Variants in NCS1 observed in about 807,000 individuals in gnomAD.
NCS1 encodes the protein frequenin homolog.
A neutral mutation model predicts 28.4 loss-of-function variants in NCS1; 6 were observed. The observed-to-expected ratio is 0.21, with a 90% CI of 0.12 to 0.42. NCS1 has a LOEUF of 0.42. Ranked by LOEUF, NCS1 falls within the 10% of genes least tolerant of loss-of-function variation. NCS1 has a pLI of 1.00. For missense variants in NCS1, 131 were observed against 241.4 expected (o/e 0.54, Z 3.03); for synonymous variants, 86 against 99.3 (o/e 0.87, Z 0.79).
At chr9:130,231,394 T>C (rs1308249099) in intron 7 of NCS1, among the ~76,000 whole-genome samples, 1 of 152,078 alleles carries the variant, frequency 6.6e-6, no homozygotes, top group Non-Finnish European at 1.5e-5. Flanking sequence ...TATGTATTTA[T>C]TTTTTTGAGG....
At chr9:130,200,748 G>A (rs1239439872) in intron 1 of NCS1, 9 of 1,420,824 alleles carry the variant, frequency 6.3e-6, no homozygotes, top group Non-Finnish European at 7.8e-6. Flanking sequence ...GAAGGGGTGG[G>A]GCCAGTGTCC....
Position 130,232,291 on chromosome 9 carries a change from T to C in NCS1, c.*18-699T>C, listed in dbSNP as rs1554912232. Among the ~76,000 whole-genome samples, 1 of 152,202 alleles carries C rather than the reference T, an allele frequency of 6.6e-6. No individual in the cohort carries two copies. The highest frequency in any genetic ancestry group is 2.4e-5 in the African/African-American group (1 of 41,450). On this transcript the variant is annotated intron_variant, in intron 7 of 7. Transcript: ENST00000372398. The surrounding 1 kb of genome is among the most constrained non-coding windows in gnomAD (Gnocchi z 4.4). ...GTGTTTCCCTAATGACTAGGGATGT[T>C]GGGCATCTTTTCATGTGTTTATCGA...
intron 1 of NCS1, among the ~76,000 whole-genome samples, chr9:130,195,193 A>G (rs1429662977): frequency 1.3e-5 from 2 of 152,222 alleles, no homozygotes; most frequent in Non-Finnish European, 2.9e-5. Context: ...TCACTCATCC[A>G]AGACCACAGA....
At chr9:130,194,961 A>C (rs1832860892) in intron 1 of NCS1, among the ~76,000 whole-genome samples, 1 of 152,222 alleles carries the variant, frequency 6.6e-6, no homozygotes, top group Admixed American at 6.5e-5. Flanking sequence ...CCCTGTGTGC[A>C]GGGTGCTGAG....
chr9:130,213,996 T>C (rs2039984), intron 2 of NCS1, among the ~76,000 whole-genome samples: 143,715 of 152,366 alleles, frequency 0.94, 67,788 homozygotes, highest in East Asian at 1. Context: ...TGGGCTCTTG[T>C]TCCCTCTGCC....
At position 130,200,529 on chromosome 9, in the gene NCS1, C is replaced by A. The variant is rs190432376; in HGVS notation, c.65-429C>A. 1.8e-4 allele frequency: 286 copies of A among 1,548,062 alleles called. No individual in the cohort carries two copies. The African/African-American group carries it at 2.9e-3, about 16-fold the overall frequency. On this transcript the variant is annotated intron_variant, in intron 1 of 7. Coordinates refer to ENST00000372398, the MANE Select transcript of NCS1 (RefSeq NM_014286.4). ...TTCAGCCTAGCTCCCCCCACCCCCC[C>A]ACATAGGTGGGGCAGCCGAGTGCCT...
chr9:130,200,702 C>CGGCAGT (rs1244011393), intron 1 of NCS1: 10 of 1,536,534 alleles, frequency 6.5e-6, no homozygotes, highest in African/African-American at 1.4e-5. Context: ...CTCCCAGCAG[C>CGGCAGT]GGCAGTGGCA....
chr9:130,205,106 A>G (rs1400164975), intron 2 of NCS1, among the ~76,000 whole-genome samples: 1 of 152,022 alleles, frequency 6.6e-6, no homozygotes, highest in Non-Finnish European at 1.5e-5. Context: ...CCTCGTTAGG[A>G]GGGAGAGGTC....
chr9:130,204,658 A>G (rs1190295450), intron 2 of NCS1, among the ~76,000 whole-genome samples: 1 of 152,136 alleles, frequency 6.6e-6, no homozygotes, highest in Non-Finnish European at 1.5e-5. Context: ...ACTTTTTAGG[A>G]CCTCAGTTTC....
intron 2 of NCS1, among the ~76,000 whole-genome samples, chr9:130,212,816 G>A (rs1328564379): frequency 2.0e-5 from 3 of 152,130 alleles, no homozygotes; most frequent in Non-Finnish European, 4.4e-5. Context: ...CCCACTGCAA[G>A]AGGGAGTGTG....
At position 130,181,039 on chromosome 9, in the gene NCS1, C is replaced by A. The variant is rs1332851800; in HGVS notation, c.64+8312C>A. On this transcript the variant is annotated intron_variant, in intron 1 of 7. Coordinates refer to ENST00000372398, the MANE Select transcript of NCS1 (RefSeq NM_014286.4). This position sits in a 1 kb window ranked among gnomAD's most constrained non-coding sequence, Gnocchi z 5.0. ...GGATTAAGTCCCAGGACCATCATGG[C>A]CTGGACAGTGGCTTTGGAGTCACTA... 1.2e-4 allele frequency among the ~76,000 whole-genome samples: 18 copies of A among 152,148 alleles called. No individual in the cohort carries two copies. Among genetic ancestry groups the A allele is most frequent in the African/African-American group, 4.3e-4 (18 of 41,414 alleles).
chr9:130,203,884 C>A (rs2131138106), intron 2 of NCS1, among the ~76,000 whole-genome samples: 1 of 152,308 alleles, frequency 6.6e-6, no homozygotes, highest in Middle Eastern at 3.4e-3. Flanking sequence ...GGCGTCCTCC[C>A]CTTCCCACAC....
intron 1 of NCS1, among the ~76,000 whole-genome samples, chr9:130,183,018 C>T (rs1296312783): frequency 5.9e-5 from 9 of 152,134 alleles, no homozygotes; most frequent in African/African-American, 1.9e-4. Context: ...GTGTGTGGCC[C>T]GGGGTGTCCT....
intron 7 of NCS1, among the ~76,000 whole-genome samples, chr9:130,230,220 G>A (rs1054024856): frequency 7.3e-5 from 11 of 151,096 alleles, no homozygotes; most frequent in African/African-American, 1.5e-4. Flanking sequence ...GTGTGGTGGC[G>A]GGCACCTGTA....
chr9:130,222,353 A>G (rs1833342632), intron 4 of NCS1, among the ~76,000 whole-genome samples: 1 of 151,594 alleles, frequency 6.6e-6, no homozygotes, highest in Non-Finnish European at 1.5e-5. Flanking sequence ...GGGTTTTGCC[A>G]TGTTGTCCAG....
intron 4 of NCS1, among the ~76,000 whole-genome samples, chr9:130,222,366 T>C (rs1223918263): frequency 6.6e-6 from 1 of 151,988 alleles, no homozygotes; most frequent in South Asian, 2.1e-4. Flanking sequence ...TTGTCCAGGC[T>C]GGTCTCGAAC....
intron 1 of NCS1, among the ~76,000 whole-genome samples, chr9:130,183,480 AC>A (rs1202414025): frequency 6.6e-6 from 1 of 152,010 alleles, no homozygotes; most frequent in African/African-American, 2.4e-5. Context: ...GGAATGTTTA[AC>A]CCAAGGCAGA....
Position 130,175,673 on chromosome 9 carries a change from G to A in NCS1, c.64+2946G>A, listed in dbSNP as rs1454547324. 6.6e-6 allele frequency among the ~76,000 whole-genome samples: 1 copy of A among 152,316 alleles called. No individual in the cohort carries two copies. Among genetic ancestry groups the A allele is most frequent in the South Asian group, 2.1e-4 (1 of 4,816 alleles). On this transcript the variant is annotated intron_variant, in intron 1 of 7. Coordinates refer to ENST00000372398, the MANE Select transcript of NCS1 (RefSeq NM_014286.4). The surrounding 1 kb of genome is among the most constrained non-coding windows in gnomAD (Gnocchi z 4.9). ...TTGGTGGGCGTCTCTGGCTCTGTCTGTGGTGGTCTGTGTGTGTGAGGAAGC... is the reference window on the plus strand; with the variant it reads ...TTGGTGGGCGTCTCTGGCTCTGTCTATGGTGGTCTGTGTGTGTGAGGAAGC...
chr9:130,224,453 G>A (rs1467377078), intron 6 of NCS1, among the ~76,000 whole-genome samples: 12 of 151,074 alleles, frequency 7.9e-5, no homozygotes, highest in African/African-American at 2.7e-4. Context: ...AGCTACTCGG[G>A]AGGCTGAGGG....
Sources: gnomAD v4.1 joint callset for allele counts (sites outside exome capture counted in the v4.1 genomes callset) on GRCh38, gnomAD v4.1.1 for gene constraint, Gnocchi (gnomAD v3.1) non-coding constraint, MANE v1.5 for transcripts, NCBI Gene and HGNC (gene_info 2026-07-23, HGNC 2026-07-21) for gene names.